The following DIO1 variants were observed in gnomAD, a reference collection of about 807,000 sequenced individuals.
The protein encoded by DIO1 is iodothyronine deiodinase 1, also known as type I iodothyronine deiodinase.
In DIO1, 17 loss-of-function variants were observed where a neutral mutation model predicts 25.9. The observed-to-expected ratio is 0.66, with a 90% CI of 0.45 to 0.98. DIO1 has a LOEUF of 0.98. Ranked by LOEUF, DIO1 falls within the 50% of genes least tolerant of loss-of-function variation. The pLI, the probability that DIO1 is intolerant of heterozygous loss-of-function variation, is 0.00. For synonymous variants in DIO1, 115 were observed against 114.0 expected (o/e 1.01, Z -0.05); for missense variants, 270 against 310.4 (o/e 0.87, Z 0.98).
chr1:53,894,796 T>G lies in DIO1; in HGVS notation c.337+249T>G, dbSNP rs564615104. Among the ~76,000 whole-genome samples, 1 of 152,304 alleles carries G rather than the reference T, an allele frequency of 6.6e-6. No homozygotes were observed. Among genetic ancestry groups the G allele is most frequent in the East Asian group, 1.9e-4 (1 of 5,174 alleles). On this transcript the variant is annotated intron_variant, in intron 1 of 3. Transcript: ENST00000361921. This position sits in a 1 kb window ranked among gnomAD's most constrained non-coding sequence, Gnocchi z 4.9. ...ATTTCAGCCCCTGGAACACTGCTCT[T>G]ACTGTACAGGCTGATCTGCCTGGGC...
intron 3 of DIO1, among the ~76,000 whole-genome samples, chr1:53,908,799 G>A (rs1221424598): frequency 1.3e-5 from 2 of 152,042 alleles, no homozygotes; most frequent in South Asian, 2.1e-4. Flanking sequence ...AGACATGATC[G>A]GACCTGTACT....
chr1:53,907,796 A>G (rs1333646637), intron 3 of DIO1, among the ~76,000 whole-genome samples: 1 of 150,998 alleles, frequency 6.6e-6, no homozygotes, highest in Non-Finnish European at 1.5e-5. Flanking sequence ...CTGTAATCCC[A>G]GCTACTTGAG....
rs188942056 is a variant in DIO1, at chr1:53,900,477, G to A, written c.338-4189G>A. ...AAATTAGCCAGGCATGGTGGTGCACGCTTGTAATCCCAGCTACTTAGGAGG... is the reference window on the plus strand; with the variant it reads ...AAATTAGCCAGGCATGGTGGTGCACACTTGTAATCCCAGCTACTTAGGAGG... On this transcript the variant is annotated intron_variant, in intron 1 of 3. Transcript: ENST00000361921. Among the ~76,000 whole-genome samples the A allele has an allele frequency of 2.0e-5, 3 of 152,276 alleles. No individual in the cohort carries two copies. In the East Asian group the frequency reaches 5.8e-4, roughly 29 times the overall value.
intron 1 of DIO1, among the ~76,000 whole-genome samples, chr1:53,895,132 A>G (rs1005476180): frequency 1.3e-5 from 2 of 152,174 alleles, no homozygotes; most frequent in African/African-American, 4.8e-5. Context: ...AATACTTGTT[A>G]AAGAGCTCTC....
At position 53,900,982 on chromosome 1, in the gene DIO1, CTTTTTTTTTTTT is replaced by C. The variant is rs71063891; in HGVS notation, c.338-3666_338-3655del. Among the ~76,000 whole-genome samples, 220 of 72,080 alleles carry C rather than the reference CTTTTTTTTTTTT, an allele frequency of 3.1e-3. 1 individual carries two copies. Among genetic ancestry groups the C allele is most frequent in the African/African-American group, 0.011 (187 of 17,740 alleles). 47.3% of individuals were successfully genotyped at this position (72,080 alleles called of 152,430 possible). On this transcript the variant is annotated intron_variant, in intron 1 of 3. Coordinates refer to ENST00000361921, the MANE Select transcript of DIO1 (RefSeq NM_000792.7). ...GGCACACCCTACCAGGGCCAGCTAA[CTTTTTTTTTTTT>C]TTTTTTTTTTTTTTTTTCAGAGATA...
chr1:53,906,316 G>T (rs1393447898), intron 3 of DIO1, 22 bp downstream of exon 3: 2 of 1,593,322 alleles, frequency 1.3e-6, no homozygotes, highest in East Asian at 2.3e-5. Context: ...GGGACAGGGG[G>T]CCCAGGGAGG....
intron 1 of DIO1, among the ~76,000 whole-genome samples, chr1:53,902,195 C>G (rs1651403071): frequency 6.6e-6 from 1 of 151,758 alleles, no homozygotes; most frequent in Non-Finnish European, 1.5e-5. Context: ...GGCTGGTTCT[C>G]TCCTGTTTTT....
In DIO1 at chr1:53,906,303, C is replaced by T. The variant is rs79239172; in HGVS notation, c.681+9C>T. ...GCAGGATCCTCTACAAGGTGGTGAC[C>T]TGGGGACAGGGGGCCCAGGGAGGGC... On this transcript the variant is annotated intron_variant, in intron 3 of 3. Transcript: ENST00000361921. 7.9e-4 allele frequency: 1,272 copies of T among 1,604,916 alleles called. 11 individuals carry two copies. The African/African-American group carries it at 0.015, about 19-fold the overall frequency.
At chr1:53,897,301 C>G (rs919469284) in intron 1 of DIO1, among the ~76,000 whole-genome samples, 2 of 152,038 alleles carry the variant, frequency 1.3e-5, no homozygotes, top group Non-Finnish European at 2.9e-5. Flanking sequence ...CATGATGAAA[C>G]CTCGTCTCTA....
chr1:53,906,019 A>C, intron 2 of DIO1, 76 bp from the exon 3 acceptor site: 5 of 1,415,962 alleles, frequency 3.5e-6, no homozygotes, highest in Non-Finnish European at 4.9e-6. Context: ...ACCTCAGTTA[A>C]AAGTGAGGGG....
At chr1:53,900,483 A>G (rs1418788335) in intron 1 of DIO1, among the ~76,000 whole-genome samples, 1 of 152,194 alleles carries the variant, frequency 6.6e-6, no homozygotes, top group Non-Finnish European at 1.5e-5. Flanking sequence ...GCACGCTTGT[A>G]ATCCCAGCTA....
intron 1 of DIO1, among the ~76,000 whole-genome samples, chr1:53,899,125 CA>C (rs1651231640): frequency 6.6e-6 from 1 of 152,154 alleles, no homozygotes; most frequent in Admixed American, 6.5e-5. Context: ...ACACACAGAA[CA>C]AAACATCGAG....
rs143754494 is a variant in DIO1, at chr1:53,898,304, G to A, written c.337+3757G>A. Among the ~76,000 whole-genome samples, 5 of 152,246 alleles carry A rather than the reference G, an allele frequency of 3.3e-5. No individual in the cohort carries two copies. In the East Asian group the frequency reaches 5.8e-4, roughly 18 times the overall value. ...AAGTGGGGTCCCAGAGGCAGGAAGG[G>A]GTGAAGGATGAGGCTGAAGGCATCA... is the stretch of plus-strand genomic sequence containing the variant. On this transcript the variant is annotated intron_variant, in intron 1 of 3. Coordinates refer to ENST00000361921, the MANE Select transcript of DIO1 (RefSeq NM_000792.7).
At chr1:53,897,098 C>T (rs1883455) in intron 1 of DIO1, among the ~76,000 whole-genome samples, 35,391 of 152,226 alleles carry the variant, frequency 0.23, 4,309 homozygotes, top group African/African-American at 0.29. Flanking sequence ...TCCCTGAAAG[C>T]CAGCTTGCCT....
chr1:53,907,161 A>G (rs1651696851), intron 3 of DIO1, among the ~76,000 whole-genome samples: 1 of 152,166 alleles, frequency 6.6e-6, no homozygotes, highest in Admixed American at 6.5e-5. Flanking sequence ...TGGAGCTGGA[A>G]ATGCTGGACG....
intron 3 of DIO1, among the ~76,000 whole-genome samples, chr1:53,907,508 T>C (rs1651712087): frequency 6.6e-6 from 1 of 152,172 alleles, no homozygotes; most frequent in Non-Finnish European, 1.5e-5. Context: ...CTTCATCCTT[T>C]CCTGTACCTT....
chr1:53,896,210 C>CTTTTTTTTTTTTTTTTTTTTTTTTTT (rs199555423), intron 1 of DIO1, among the ~76,000 whole-genome samples: 5 of 103,584 alleles, frequency 4.8e-5, no homozygotes, highest in Non-Finnish European at 7.3e-5. Flanking sequence ...TTCTTTTTCT[C>CTTTTTTTTTTTTTTTTTTTTTTTTTT]TTTTTTTTTT....
chr1:53,898,027 G>A (rs917465138), intron 1 of DIO1, among the ~76,000 whole-genome samples: 5 of 152,186 alleles, frequency 3.3e-5, no homozygotes, highest in Non-Finnish European at 7.3e-5. Context: ...TGCCCTGGAA[G>A]GCCTCATAAC....
intron 1 of DIO1, among the ~76,000 whole-genome samples, chr1:53,896,210 C>CT (rs199555423): frequency 0.02 from 2,104 of 103,432 alleles, 17 homozygotes; most frequent in African/African-American, 0.023. Flanking sequence ...TTCTTTTTCT[C>CT]TTTTTTTTTT....
Sources: gnomAD v4.1 joint callset for allele counts (sites outside exome capture counted in the v4.1 genomes callset) on GRCh38, gnomAD v4.1.1 for gene constraint, Gnocchi (gnomAD v3.1) non-coding constraint, MANE v1.5 for transcripts, NCBI Gene and HGNC (gene_info 2026-07-23, HGNC 2026-07-21) for gene names.